MRPL37: variants seen among roughly 807,000 people sequenced by gnomAD.
The protein encoded by MRPL37 is mitochondrial ribosomal protein L37.
In MRPL37, 34 loss-of-function variants were observed where a neutral mutation model predicts 44.1. That is an observed-to-expected ratio of 0.77 (90% confidence interval 0.59 to 1.03). MRPL37 has a LOEUF of 1.03. Ranked by LOEUF, MRPL37 falls within the 50% of genes least tolerant of loss-of-function variation. MRPL37 has a pLI of 0.00. For synonymous variants in MRPL37, 212 were observed against 219.5 expected (o/e 0.97, Z 0.30); for missense variants, 532 against 543.7 (o/e 0.98, Z 0.21).
downstream of MRPL37, among the ~76,000 whole-genome samples, chr1:54,221,738 T>C (rs1023933458): frequency 6.6e-6 from 1 of 152,052 alleles, no homozygotes. Flanking sequence ...CCCATGGATC[T>C]CCTCCTCCCC....
chr1:54,224,893 C>G (rs951047166), downstream of MRPL37, among the ~76,000 whole-genome samples: 1 of 151,240 alleles, frequency 6.6e-6, no homozygotes, highest in Admixed American at 6.6e-5. Context: ...GTAGACTGCA[C>G]TACTCTCAAA....
downstream of MRPL37, chr1:54,220,736 C>T (rs1461019154): frequency 1.3e-5 from 6 of 471,224 alleles, no homozygotes; most frequent in South Asian, 3.1e-5. Context: ...CCAGTACAGG[C>T]TCCCCAGCCA....
rs766583403 is a variant in MRPL37, at chr1:54,216,080, C to T, written c.991-61C>T. ...GGGAAGAACTAGAAGCTGCCTGGGC[C>T]GTGCTGTTCCTTACACTCCACAGCT... On this transcript the variant is annotated intron_variant, in intron 5 of 6. Transcript: ENST00000360840. 30 of 1,558,104 alleles carry T rather than the reference C, an allele frequency of 1.9e-5. No individual in the cohort carries two copies. In the East Asian group the frequency reaches 2.5e-4, roughly 13 times the overall value.
At chr1:54,218,528 T>C, downstream of MRPL37, 2 of 704,922 alleles carry the variant, frequency 2.8e-6, no homozygotes, top group South Asian at 2.8e-5. Flanking sequence ...TCTCTTTCCA[T>C]TTCTTCATCT....
At position 54,212,536 on chromosome 1, in the gene MRPL37, A is replaced by T; in HGVS notation, c.868A>T (p.Thr290Ser). Residue 290 changes from threonine to serine, a missense_variant, in exon 5 of 7, where the codon ACC (threonine) becomes TCC (serine). Thr to Ser is a moderately conservative substitution (Grantham distance 58, BLOSUM62 1). Transcript: ENST00000360840. ...QEGYPYPYPHTLYLLDKANLR... is the reference protein window; with the variant it reads ...QEGYPYPYPHSLYLLDKANLR... ...AGGCTATCCTTACCCCTATCCCCAT[A>T]CCCTGTACTTACTGGACAAAGCCAA... The T allele has an allele frequency of 6.2e-7, 1 of 1,614,018 alleles. No individual in the cohort carries two copies. Among genetic ancestry groups the T allele is most frequent in the Non-Finnish European group, 8.5e-7 (1 of 1,180,012 alleles).
downstream of MRPL37, among the ~76,000 whole-genome samples, chr1:54,222,308 T>G (rs555048421): frequency 1.7e-4 from 26 of 152,128 alleles, no homozygotes; most frequent in African/African-American, 6.0e-4. Flanking sequence ...TGAGCTAGGT[T>G]CTGAAGGGCA....
At chr1:54,209,607 C>A (rs1186161528) in intron 3 of MRPL37, among the ~76,000 whole-genome samples, 1 of 151,916 alleles carries the variant, frequency 6.6e-6, no homozygotes, top group Non-Finnish European at 1.5e-5. Flanking sequence ...CTACAGGTGC[C>A]AGCCACCATG....
chr1:54,212,598 G>A lies in MRPL37; in HGVS notation c.930G>A (p.Arg310=). 6.2e-7 allele frequency: 1 copy of A among 1,614,220 alleles called. No individual in the cohort carries two copies. The stretch of plus-strand genomic sequence containing the variant: ...ACCGCCTTCAACCAGATCAGCTGCG[G>A]GCCAAGATGATCCTGTTTGCTTTTG... ...RPHRLQPDQL[R]AKMILFAFGS... The change falls in exon 5 of 7, where the codon CGG becomes CGA. Residue 310 remains arginine (R), a synonymous_variant. Transcript: ENST00000360840.
chr1:54,218,451 C>G, downstream of MRPL37: 4 of 1,322,216 alleles, frequency 3.0e-6, no homozygotes, highest in Non-Finnish European at 4.0e-6. Flanking sequence ...GGAGCCTGAC[C>G]TGCCCCAGCT....
At chr1:54,202,058 A>G (rs1228048128) in intron 1 of MRPL37, among the ~76,000 whole-genome samples, 2 of 151,072 alleles carry the variant, frequency 1.3e-5, no homozygotes, top group South Asian at 4.2e-4. Context: ...GCCAGAGTAC[A>G]GTGGCATGAT....
At chr1:54,205,932 A>C (rs182318500) in intron 3 of MRPL37, among the ~76,000 whole-genome samples, 13 of 152,194 alleles carry the variant, frequency 8.5e-5, no homozygotes, top group African/African-American at 3.1e-4. Flanking sequence ...TTTGGTCGCC[A>C]CTTAGTCTTT....
chr1:54,202,816 T>C (rs1022690905), intron 1 of MRPL37, among the ~76,000 whole-genome samples: 1 of 152,190 alleles, frequency 6.6e-6, no homozygotes. Flanking sequence ...AATGAAGATA[T>C]GACCTTGAGT....
At chr1:54,200,668 G>A (rs1644073508) in intron 1 of MRPL37, 79 bp downstream of exon 1, 2 of 1,446,148 alleles carry the variant, frequency 1.4e-6, no homozygotes, top group South Asian at 1.4e-5. Context: ...CTTTGGGCAA[G>A]ACATTGAAAC....
Position 54,200,518 on chromosome 1 carries a change from C to G in MRPL37, c.275C>G (p.Pro92Arg), listed in dbSNP as rs146793580. The change falls in exon 1 of 7, where the codon CCT (proline) becomes CGT (arginine). Residue 92 changes from proline to arginine, a missense_variant. Pro to Arg is a moderately radical substitution (Grantham distance 103). Coordinates refer to ENST00000360840, the MANE Select transcript of MRPL37 (RefSeq NM_016491.4). ...GACCCAAGGTTCTACCGCTCGCCCCCTCTTCACGAGCATCCGCTGTACAAA... is the reference window on the plus strand; with the variant it reads ...GACCCAAGGTTCTACCGCTCGCCCCGTCTTCACGAGCATCCGCTGTACAAA... ...YKDPRFYRSPPLHEHPLYKDQ... is the reference protein window; with the variant it reads ...YKDPRFYRSPRLHEHPLYKDQ... 4 of 1,614,154 alleles carry G rather than the reference C, an allele frequency of 2.5e-6. No individual in the cohort carries two copies. Among genetic ancestry groups the G allele is most frequent in the Non-Finnish European group, 3.4e-6 (4 of 1,179,986 alleles).
chr1:54,224,970 A>G (rs201031154), downstream of MRPL37, among the ~76,000 whole-genome samples: 1 of 139,570 alleles, frequency 7.2e-6, no homozygotes, highest in East Asian at 2.2e-4. Flanking sequence ...CCCTGTGCCA[A>G]CAGTCGCCAA....
At chr1:54,224,318 A>G (rs888741642), downstream of MRPL37, among the ~76,000 whole-genome samples, 2 of 152,180 alleles carry the variant, frequency 1.3e-5, no homozygotes, top group Non-Finnish European at 2.9e-5. Context: ...GGAATCTCCT[A>G]GATCCTCCCA....
chr1:54,220,547 G>T, downstream of MRPL37: 1 of 423,260 alleles, frequency 2.4e-6, no homozygotes, highest in Non-Finnish European at 4.9e-6. Flanking sequence ...CAGGCTTAGA[G>T]ACCACATGAT....
Position 54,209,865 on chromosome 1 carries a change from G to A in MRPL37, c.647-81G>A, listed in dbSNP as rs151220477. 1.4e-3 allele frequency: 2,053 copies of A among 1,445,774 alleles called. 43 individuals carry two copies. The East Asian group carries it at 0.041, about 29-fold the overall frequency. 89.6% of individuals were successfully genotyped at this position (1,445,774 alleles called of 1,614,324 possible). A position where few individuals can be genotyped will look rare whatever the true frequency, so the allele number is the denominator to read the frequency against. ...ACCTGCCTTGGCCTCCCAAAGTGCTGGGATTATAGGCATGAGCTACTGCGC... is the reference window on the plus strand; with the variant it reads ...ACCTGCCTTGGCCTCCCAAAGTGCTAGGATTATAGGCATGAGCTACTGCGC... On this transcript the variant is annotated intron_variant, in intron 3 of 6. Coordinates refer to ENST00000360840, the MANE Select transcript of MRPL37 (RefSeq NM_016491.4).
chr1:54,225,408 T>C, downstream of MRPL37: 1 of 1,233,990 alleles, frequency 8.1e-7, no homozygotes, highest in East Asian at 3.2e-5. Flanking sequence ...CCAACCCACA[T>C]TCCCCAAACA....
Sources: gnomAD v4.1 joint callset for allele counts (sites outside exome capture counted in the v4.1 genomes callset) on GRCh38, gnomAD v4.1.1 for gene constraint, MANE v1.5 for transcripts, NCBI Gene and HGNC (gene_info 2026-07-23, HGNC 2026-07-21) for gene names.